Variants in PDE10A observed in about 807,000 individuals in gnomAD.
PDE10A encodes phosphodiesterase 10A.
PDE10A carries 39 observed loss-of-function variants against 97.7 expected under a neutral mutation model. That is an observed-to-expected ratio of 0.40 (90% CI 0.31 to 0.52). The LOEUF is 0.52. Among genes scored for constraint, PDE10A ranks in the 20% least tolerant of loss-of-function variants. The pLI is 0.56. For synonymous variants in PDE10A, 371 were observed against 376.8 expected, an observed-to-expected ratio of 0.98 and a Z score of 0.18; for missense variants, 731 against 1,047.8, an observed-to-expected ratio of 0.70 and a Z score of 4.17.
At chr6:165,506,219 C>T (rs889338027) in intron 2 of PDE10A, among the ~76,000 whole-genome samples, 18 of 152,028 alleles carry the variant, frequency 1.2e-4, no homozygotes, top group African/African-American at 4.1e-4. Context: ...CCTTTCTAGA[C>T]CATAGAGTTC....
chr6:165,913,955 A>G (rs1583277025), intron 1 of PDE10A, among the ~76,000 whole-genome samples: 2 of 152,270 alleles, frequency 1.3e-5, no homozygotes, highest in African/African-American at 2.4e-5. Context: ...GTTCCAGGAC[A>G]TAAGGGTTTC....
chr6:165,980,479 C>T (rs1055762233), intron 1 of PDE10A, among the ~76,000 whole-genome samples: 5 of 152,120 alleles, frequency 3.3e-5, no homozygotes, highest in Non-Finnish European at 7.3e-5. Context: ...GCACATTGTA[C>T]CACGGAATAT....
At chr6:165,337,851 A>T (rs1781741218) in intron 20 of PDE10A, among the ~76,000 whole-genome samples, 1 of 152,234 alleles carries the variant, frequency 6.6e-6, no homozygotes, top group Non-Finnish European at 1.5e-5. Flanking sequence ...GAAATTGTAG[A>T]TCCCTATCTT....
chr6:165,500,851 G>A (rs1009300799), intron 2 of PDE10A, among the ~76,000 whole-genome samples: 3 of 152,172 alleles, frequency 2.0e-5, no homozygotes, highest in Non-Finnish European at 4.4e-5. Flanking sequence ...AACCGCCTTA[G>A]GGCTGAAGGT....
Position 165,964,888 on chromosome 6 carries a change from G to C in PDE10A, c.-615+22641C>G, listed in dbSNP as rs75386722. Among the ~76,000 whole-genome samples the C allele has an allele frequency of 3.8e-3, 585 of 152,268 alleles. 5 individuals are homozygous for C. Among genetic ancestry groups the C allele is most frequent in the African/African-American group, 0.014 (562 of 41,540 alleles). On this transcript the variant is annotated intron_variant, in intron 1 of 19. Coordinates refer to the PDE10A transcript ENST00000366882. ...AAGGAGCACTTTATAAAGAAGACATGACCGTGCTTGTTAAAGGAGGAGGAG... is the reference window on the plus strand; with the variant it reads ...AAGGAGCACTTTATAAAGAAGACATCACCGTGCTTGTTAAAGGAGGAGGAG...
intron 5 of PDE10A, among the ~76,000 whole-genome samples, chr6:165,441,871 T>A (rs1790494817): frequency 6.6e-6 from 1 of 152,228 alleles, no homozygotes; most frequent in Admixed American, 6.5e-5. Context: ...CCTTGGCTAC[T>A]GGACTAATAA....
At chr6:165,973,489 A>C (rs1260445559) in intron 1 of PDE10A, among the ~76,000 whole-genome samples, 1 of 152,198 alleles carries the variant, frequency 6.6e-6, no homozygotes, top group Admixed American at 6.5e-5. Flanking sequence ...TTGTGAGTGA[A>C]AGATAAAAGG....
rs13209556 is a variant in PDE10A, at chr6:165,465,984, G to C, written c.1024-15622C>G. Among the ~76,000 whole-genome samples the C allele has an allele frequency of 3.2e-3, 492 of 152,286 alleles. 1 individual carries two copies. Among genetic ancestry groups the C allele is most frequent in the Middle Eastern group, 6.8e-3 (2 of 294 alleles). ...AGAGAGGGTAGCAGAGGAACAAGCA[G>C]GGCATGAGGACAGAACGATCATGGC... On this transcript the variant is annotated intron_variant, in intron 3 of 21. Coordinates refer to ENST00000539869, the MANE Select transcript of PDE10A (RefSeq NM_001385079.1).
intron 18 of PDE10A, among the ~76,000 whole-genome samples, chr6:165,349,425 A>C (rs1184788088): frequency 6.6e-6 from 1 of 152,138 alleles, no homozygotes; most frequent in Non-Finnish European, 1.5e-5. Flanking sequence ...TGGAACTTTG[A>C]ACTTGAGAGA....
chr6:165,522,799 T>C (rs528304389), intron 2 of PDE10A, among the ~76,000 whole-genome samples: 2 of 152,068 alleles, frequency 1.3e-5, no homozygotes, highest in Non-Finnish European at 2.9e-5. Context: ...GAAAGAATTA[T>C]AAAAGACACC....
In PDE10A at chr6:165,332,881, T is replaced by C; in HGVS notation, c.*144A>G. On this transcript the variant is annotated 3_prime_UTR_variant, in exon 22 of 22. Transcript: ENST00000539869. ...GCAGGAAGTCCTCTGCTTGACTTAT[T>C]TATTTGATGTTACCTTCTTGAAGAG... is the stretch of plus-strand genomic sequence containing the variant. The C allele has an allele frequency of 1.6e-6, 1 of 639,324 alleles. No homozygotes were observed. Among genetic ancestry groups the C allele is most frequent in the Non-Finnish European group, 2.8e-6 (1 of 356,658 alleles). 39.6% of individuals were successfully genotyped at this position (639,324 alleles called of 1,614,324 possible). A position where few individuals can be genotyped will look rare whatever the true frequency, so the allele number is the denominator to read the frequency against.
At chr6:165,437,032 G>A (rs1042654269) in intron 5 of PDE10A, among the ~76,000 whole-genome samples, 1 of 151,280 alleles carries the variant, frequency 6.6e-6, no homozygotes, top group Non-Finnish European at 1.5e-5. Flanking sequence ...TCCCTTTTCT[G>A]TACCAAAGAC....
intron 15 of PDE10A, 125 bp from the exon 16 acceptor site, chr6:165,392,921 C>T: frequency 2.5e-6 from 2 of 789,870 alleles, no homozygotes; most frequent in South Asian, 1.6e-5. Context: ...AGATTTCCAC[C>T]CTGACTGAAT....
chr6:165,921,006 G>A (rs955293300), intron 1 of PDE10A, among the ~76,000 whole-genome samples: 6 of 152,140 alleles, frequency 3.9e-5, no homozygotes, highest in Non-Finnish European at 5.9e-5. Context: ...TGGCTCCAAA[G>A]GTCTTGACTC....
chr6:165,367,276 T>C (rs539154336), intron 18 of PDE10A, among the ~76,000 whole-genome samples: 1 of 151,840 alleles, frequency 6.6e-6, no homozygotes, highest in Admixed American at 6.6e-5. Flanking sequence ...TGCATCTGTG[T>C]GTATTTTCTA....
Position 165,848,858 on chromosome 6 carries a change from G to A in PDE10A, c.-615+138671C>T, listed in dbSNP as rs373749195. Among the ~76,000 whole-genome samples the A allele has an allele frequency of 3.9e-5, 6 of 152,290 alleles. No homozygotes were observed. In the South Asian group the frequency reaches 1.2e-3, roughly 32 times the overall value. The stretch of plus-strand genomic sequence containing the variant: ...GGGGGGCCCCACGGGATCTGATGAG[G>A]GCAAGGTGGGGCAGGAGAGAATCTG... On this transcript the variant is annotated intron_variant, in intron 1 of 19. Transcript: ENST00000366882.
intron 2 of PDE10A, among the ~76,000 whole-genome samples, chr6:165,507,912 C>T (rs1182366779): frequency 6.6e-6 from 1 of 151,850 alleles, no homozygotes. Context: ...TCAAATAAAC[C>T]ACCTCAAAAA....
At chr6:165,669,826 A>G (rs977637937) in intron 1 of PDE10A, among the ~76,000 whole-genome samples, 3 of 152,254 alleles carry the variant, frequency 2.0e-5, no homozygotes, top group Non-Finnish European at 4.4e-5. Flanking sequence ...ATTATAAGAA[A>G]TTCATCTGCT....
intron 1 of PDE10A, among the ~76,000 whole-genome samples, chr6:165,857,903 C>CA (rs1193007299): frequency 1.3e-5 from 2 of 152,030 alleles, no homozygotes; most frequent in African/African-American, 4.8e-5. Flanking sequence ...CAATTACAAA[C>CA]AAAAAAACTA....
Sources: gnomAD v4.1 joint callset for allele counts (sites outside exome capture counted in the v4.1 genomes callset) on GRCh38, gnomAD v4.1.1 for gene constraint, MANE v1.5 for transcripts, NCBI Gene and HGNC (gene_info 2026-07-23, HGNC 2026-07-21) for gene names.